The following ATP7B variants were observed in gnomAD, a reference collection of about 807,000 sequenced individuals.
ATP7B encodes the protein copper-transporting ATPase 2.
In ATP7B, 113 loss-of-function variants were observed where a neutral mutation model predicts 118.9. That is an observed-to-expected ratio of 0.95 (90% CI 0.82 to 1.11). The LOEUF (loss-of-function observed/expected upper bound fraction) is 1.11, where lower values mean the gene tolerates loss of function less well. Ranked by LOEUF, ATP7B falls within the 50% of genes most tolerant of loss-of-function variation. ATP7B has a pLI of 0.00. For missense variants in ATP7B, 1,867 were observed against 1,871.4 expected (o/e 1.00, Z 0.04); for synonymous variants, 777 against 727.4 (o/e 1.07, Z -1.10).
chr13:52,003,057 G>C (rs182341881), intron 1 of ATP7B, among the ~76,000 whole-genome samples: 36 of 152,246 alleles, frequency 2.4e-4, no homozygotes, highest in African/African-American at 8.4e-4. Context: ...CTCCATATCA[G>C]CAGTAAGGCT....
chr13:51,991,508 CAAA>C (rs952337361), intron 1 of ATP7B, among the ~76,000 whole-genome samples: 1 of 150,332 alleles, frequency 6.7e-6, no homozygotes, highest in African/African-American at 2.4e-5. Flanking sequence ...AAAAAACAAA[CAAA>C]AAAAAACAGC....
Position 51,960,234 on chromosome 13 carries a change from G to T in ATP7B, c.2035C>A (p.His679Asn), listed in dbSNP as rs775918514. Reference protein sequence around the residue: ...IYMLIPSNEPHQSMVLDHNII... With the variant: ...IYMLIPSNEPNQSMVLDHNII... ...TTGTGGTCCAGGACCATGGACTGGT[G>T]GGGCTCGTTGCTGGGTATCAGCATA... Residue 679 changes from histidine (H) to asparagine (N), a missense_variant, in exon 7 of 21, where the codon CAC (histidine) becomes AAC (asparagine). Physicochemically the swap from His to Asn is moderately conservative, Grantham distance 68. Transcript: ENST00000242839. The T allele has an allele frequency of 5.6e-6, 9 of 1,613,830 alleles. No homozygotes were observed. Among genetic ancestry groups the T allele is most frequent in the Non-Finnish European group, 5.9e-6 (7 of 1,179,838 alleles).
intron 18 of ATP7B, 26 bp downstream of exon 18, chr13:51,937,450 C>T: frequency 6.2e-7 from 1 of 1,614,144 alleles, no homozygotes; most frequent in South Asian, 1.1e-5. Flanking sequence ...TCCCAGCACC[C>T]ACAGCCTGGC....
At chr13:51,976,959 T>C (rs184474416) in intron 1 of ATP7B, among the ~76,000 whole-genome samples, 90 of 152,342 alleles carry the variant, frequency 5.9e-4, no homozygotes, top group Admixed American at 1.3e-3. Flanking sequence ...ATAAACACTG[T>C]AAACTTAGGC....
chr13:51,950,518 T>C, intron 9 of ATP7B, 119 bp from the exon 10 acceptor site: 1 of 1,433,656 alleles, frequency 7.0e-7, no homozygotes, highest in East Asian at 2.3e-5. Flanking sequence ...AGTATTCATT[T>C]GATCTGTTCA....
In ATP7B at chr13:51,950,400, C is replaced by T; in HGVS notation, c.2448-1G>A. The T allele has an allele frequency of 1.2e-6, 2 of 1,613,954 alleles. No homozygotes were observed. Among genetic ancestry groups the T allele is most frequent in the South Asian group, 2.2e-5 (2 of 91,064 alleles). ...CAGCTCCATGGGGACTTGCTCCTCC[C>T]TGCAACAAACGCCACTTATCACTCA... is the stretch of plus-strand genomic sequence containing the variant. On this transcript the variant is annotated splice_acceptor_variant, in intron 9 of 20. Transcript: ENST00000242839. LOFTEE classifies it high-confidence loss of function.
chr13:51,957,577 T>G lies in ATP7B; in HGVS notation c.2386A>C (p.Met796Leu). ...SKTSEALAKLMSLQATEATVV... is the reference protein window; with the variant it reads ...SKTSEALAKLLSLQATEATVV... The stretch of plus-strand genomic sequence containing the variant: ...GTGGCTTCTGTGGCTTGGAGAGACA[T>G]GAGTTTAGCCAGGGCTTCTGAGGTT... Residue 796 changes from methionine (M) to leucine (L), a missense_variant, in exon 9 of 21, where the codon ATG (methionine) becomes CTG (leucine). Met to Leu is a conservative substitution (Grantham distance 15, BLOSUM62 2). Transcript: ENST00000242839. 1 of 1,614,188 alleles carries G rather than the reference T, an allele frequency of 6.2e-7. No individual in the cohort carries two copies. The highest frequency in any genetic ancestry group is 8.5e-7 in the Non-Finnish European group (1 of 1,179,998).
At chr13:52,005,565 T>A (rs1336580785) in intron 1 of ATP7B, among the ~76,000 whole-genome samples, 1 of 152,224 alleles carries the variant, frequency 6.6e-6, no homozygotes, top group East Asian at 1.9e-4. Context: ...TCCACCAACA[T>A]TCTGATCATG....
intron 5 of ATP7B, among the ~76,000 whole-genome samples, chr13:51,962,909 T>C (rs1958844217): frequency 6.6e-6 from 1 of 151,940 alleles, no homozygotes; most frequent in Non-Finnish European, 1.5e-5. Flanking sequence ...CTGACAAACA[T>C]GGCGAAACCC....
rs1952043099 is a variant in ATP7B, at chr13:51,975,127, T to TG, written c.92dup (p.Ala32SerfsTer9). 6.2e-7 allele frequency: 1 copy of TG among 1,614,248 alleles called. No homozygotes were observed. The highest frequency in any genetic ancestry group is 8.5e-7 in the Non-Finnish European group (1 of 1,180,048). The stretch of plus-strand genomic sequence containing the variant: ...CAAAAGCAAAACTCTTCTTCATTGC[T>TG]GGTTCCCAGGCACGGGTAGGCAAAG... On this transcript the variant is annotated frameshift_variant, in exon 2 of 21. Transcript: ENST00000242839. LOFTEE classifies it high-confidence loss of function.
intron 2 of ATP7B, among the ~76,000 whole-genome samples, chr13:51,972,674 T>C (rs1951898500): frequency 6.6e-6 from 1 of 152,150 alleles, no homozygotes; most frequent in South Asian, 2.1e-4. Flanking sequence ...TCTTCTAAAA[T>C]ATAATCTGAC....
intron 9 of ATP7B, among the ~76,000 whole-genome samples, chr13:51,954,192 T>A (rs1958193732): frequency 6.6e-6 from 1 of 152,190 alleles, no homozygotes; most frequent in Admixed American, 6.5e-5. Context: ...GAAGGATGTG[T>A]GCAGAGGTCT....
chr13:51,965,356 C>T (rs1301962572), intron 4 of ATP7B, among the ~76,000 whole-genome samples: 1 of 152,198 alleles, frequency 6.6e-6, no homozygotes, highest in Non-Finnish European at 1.5e-5. Context: ...TGTTACCTCA[C>T]TGGCAAAGCC....
chr13:52,000,514 C>T (rs1258188098), intron 1 of ATP7B, among the ~76,000 whole-genome samples: 1 of 152,192 alleles, frequency 6.6e-6, no homozygotes, highest in African/African-American at 2.4e-5. Context: ...ATATCACCAC[C>T]TATAGCCTAC....
intron 1 of ATP7B, 60 bp downstream of exon 1, chr13:52,011,227 G>T (rs1954018202): frequency 1.2e-6 from 2 of 1,613,554 alleles, no homozygotes; most frequent in East Asian, 4.5e-5. Context: ...CGAACGCGGG[G>T]AGGAAAATCC....
intron 15 of ATP7B, 52 bp from the exon 16 acceptor site, chr13:51,941,276 C>A: frequency 6.2e-7 from 1 of 1,603,124 alleles, no homozygotes; most frequent in Non-Finnish European, 8.5e-7. Flanking sequence ...TCACTGTGAA[C>A]TAAAAACCAT....
At chr13:51,950,478 G>A in intron 9 of ATP7B, 79 bp from the exon 10 acceptor site, 1 of 1,589,038 alleles carries the variant, frequency 6.3e-7, no homozygotes, top group Middle Eastern at 2.2e-4. Context: ...TGTTACAATA[G>A]TTACACTGTA....
At position 51,944,264 on chromosome 13, in the gene ATP7B, C is replaced by T. The variant is rs1957518268; in HGVS notation, c.3088G>A (p.Gly1030Ser). The T allele has an allele frequency of 6.2e-7, 1 of 1,614,048 alleles. No individual in the cohort carries two copies. Among genetic ancestry groups the T allele is most frequent in the Non-Finnish European group, 8.5e-7 (1 of 1,180,010 alleles). ...CTGGGGACGCCATGGGTAATGGTGC[C>T]AGTCTTGTCAAACATCACAGTCTTT... ...KIKTVMFDKT[G>S]TITHGVPRVM... Residue 1030 changes from glycine (G) to serine (S), a missense_variant, in exon 14 of 21, where the codon GGC (glycine) becomes AGC (serine). Gly to Ser is a moderately conservative substitution (Grantham distance 56). Transcript: ENST00000242839.
At chr13:51,986,280 C>T (rs1296521952) in intron 1 of ATP7B, among the ~76,000 whole-genome samples, 4 of 152,096 alleles carry the variant, frequency 2.6e-5, no homozygotes, top group Non-Finnish European at 4.4e-5. Flanking sequence ...GAGAATACTA[C>T]AAACACCTCT....
Sources: gnomAD v4.1 joint callset for allele counts (sites outside exome capture counted in the v4.1 genomes callset) on GRCh38, gnomAD v4.1.1 for gene constraint, MANE v1.5 for transcripts, NCBI Gene and HGNC (gene_info 2026-07-23, HGNC 2026-07-21) for gene names.